Variants in NPAS4 observed in about 807,000 individuals in gnomAD.
The protein encoded by NPAS4 is neuronal PAS domain-containing protein 4.
Under a neutral mutation model 64.0 loss-of-function variants are expected in NPAS4, and 10 were observed. The ratio of observed to expected loss-of-function variants is 0.16; its 90% CI spans 0.10 to 0.26. NPAS4 has a LOEUF of 0.26. NPAS4 is among the 10% of genes least tolerant of loss of function. The pLI, the probability that NPAS4 is intolerant of heterozygous loss-of-function variation, is 1.00. For synonymous variants in NPAS4, 441 were observed against 411.7 expected (o/e 1.07, Z -0.86); for missense variants, 886 against 992.6 (o/e 0.89, Z 1.44).
intron 4 of NPAS4, 41 bp downstream of exon 4, chr11:66,422,982 A>T: frequency 6.3e-7 from 1 of 1,592,226 alleles, no homozygotes; most frequent in East Asian, 2.2e-5. Flanking sequence ...AAGGCAGGCC[A>T]GAGATGAAGG....
At chr11:66,419,541 A>T (rs1856706719), upstream of NPAS4, among the ~76,000 whole-genome samples, 1 of 152,092 alleles carries the variant, frequency 6.6e-6, no homozygotes, top group Admixed American at 6.5e-5. Flanking sequence ...AAGTGATTCC[A>T]TGCGCACACA....
rs984548508 is a variant in NPAS4, at chr11:66,426,125, A to G, written c.*136A>G. ...TATATGATTCCCCAGGCCCTGCAGG[A>G]TTTTGGGGGGGGGGAGGTGGGAGGG... On this transcript the variant is annotated 3_prime_UTR_variant, in exon 8 of 8. Transcript: ENST00000311034. 1.2e-5 allele frequency: 4 copies of G among 328,146 alleles called. No homozygotes were observed. The highest frequency in any genetic ancestry group is 5.0e-5 in the African/African-American group (2 of 40,154). The allele number at this position is 328,146 out of a possible 1,614,324, so 20.3% of individuals were successfully genotyped here.
In NPAS4 at chr11:66,424,919, G is replaced by A. The variant is rs1171089649; in HGVS notation, c.2029G>A (p.Ala677Thr). Residue 677 changes from alanine to threonine, a missense_variant, in exon 7 of 8, where the codon GCA becomes ACA. Physicochemically the swap from Ala to Thr is moderately conservative, Grantham distance 58. Coordinates refer to ENST00000311034, the MANE Select transcript of NPAS4 (RefSeq NM_178864.4). ...GGACTCCAACCTGTCCCTGTCAGGG[G>A]CAGGCCCCCCTGTGCTCAGCCTGGA... ...PLDSNLSLSG[A>T]GPPVLSLDLK... The A allele has an allele frequency of 6.2e-7, 1 of 1,613,874 alleles. No homozygotes were observed. Among genetic ancestry groups the A allele is most frequent in the Non-Finnish European group, 8.5e-7 (1 of 1,179,894 alleles).
chr11:66,409,830 T>C, the NPAS4 span: 1 of 152,394 alleles, frequency 6.6e-6, no homozygotes, highest in Non-Finnish European at 1.5e-5. Context: ...GACACCTCTG[T>C]CATGGCACCA....
Position 66,424,306 on chromosome 11 carries a change from C to A in NPAS4, c.1416C>A (p.Pro472=), listed in dbSNP as rs753641063. The A allele has an allele frequency of 3.7e-6, 6 of 1,614,182 alleles. No homozygotes were observed. The highest frequency in any genetic ancestry group is 5.1e-6 in the Non-Finnish European group (6 of 1,180,024). The change falls in exon 7 of 8, where the codon CCC becomes CCA. Residue 472 remains proline (P), a synonymous_variant. Transcript: ENST00000311034. ...CGACCTTCTCTGATCAGTTGACGCC[C>A]AGCAGTGCAACCTTCCCAGATCCAC... is the stretch of plus-strand genomic sequence containing the variant. ...STATFSDQLT[P]SSATFPDPLT...
intron 7 of NPAS4, 73 bp from the exon 8 acceptor site, chr11:66,425,888 A>T: frequency 8.8e-7 from 1 of 1,135,560 alleles, no homozygotes; most frequent in Non-Finnish European, 1.3e-6. Context: ...TAATACCAAC[A>T]CATTCTCAGC....
At chr11:66,414,420 C>A in the NPAS4 span, among the ~76,000 whole-genome samples, 1 of 152,152 alleles carries the variant, frequency 6.6e-6, no homozygotes, top group Non-Finnish European at 1.5e-5. Context: ...GGACATTGCC[C>A]ACAAAAGTTT....
At chr11:66,417,072 G>A (rs1856679916), upstream of NPAS4, 1 of 151,998 alleles carries the variant, frequency 6.6e-6, no homozygotes, top group African/African-American at 2.4e-5. Flanking sequence ...GCCTGTTTTT[G>A]CTACAAAAAC....
chr11:66,411,427 C>T, the NPAS4 span, among the ~76,000 whole-genome samples: 3 of 152,206 alleles, frequency 2.0e-5, no homozygotes, highest in Non-Finnish European at 4.4e-5. Flanking sequence ...GAATCTGCAT[C>T]TTCTGCTGCT....
At chr11:66,413,747 G>A in the NPAS4 span, among the ~76,000 whole-genome samples, 1 of 152,150 alleles carries the variant, frequency 6.6e-6, no homozygotes, top group African/African-American at 2.4e-5. Flanking sequence ...CAACTCAAAT[G>A]CACCTGCTTG....
At chr11:66,421,442 T>A in intron 1 of NPAS4, 88 bp downstream of exon 1, 1 of 1,215,974 alleles carries the variant, frequency 8.2e-7, no homozygotes, top group African/African-American at 1.5e-5. Context: ...GTCGCATGTC[T>A]AGGGCAGCGT....
At chr11:66,413,373 G>C in the NPAS4 span, among the ~76,000 whole-genome samples, 2 of 152,262 alleles carry the variant, frequency 1.3e-5, no homozygotes, top group African/African-American at 4.8e-5. Context: ...AGCTGGAAGA[G>C]AGGCAAGGGG....
chr11:66,424,078 A>G lies in NPAS4; in HGVS notation c.1188A>G (p.Glu396=), dbSNP rs201701638. 7.4e-6 allele frequency: 12 copies of G among 1,613,994 alleles called. No homozygotes were observed. The highest frequency in any genetic ancestry group is 9.3e-6 in the Non-Finnish European group (11 of 1,179,986). Residue 396 remains glutamate, a synonymous_variant, in exon 7 of 8, where the codon GAA becomes GAG. Transcript: ENST00000311034. Reference sequence around the variant, plus strand: ...AAGAGCTTCCCCGACCCTCCAAAGAACTGGACTTCAGTTACCTGACATTCC... The same window carrying G: ...AAGAGCTTCCCCGACCCTCCAAAGAGCTGGACTTCAGTTACCTGACATTCC... ...ASEELPRPSK[E]LDFSYLTFPS... is the part of the protein sequence containing the mutation.
chr11:66,415,692 T>A, the NPAS4 span, among the ~76,000 whole-genome samples: 3 of 152,214 alleles, frequency 2.0e-5, no homozygotes, highest in Non-Finnish European at 4.4e-5. Context: ...CCCTATCACG[T>A]GGTGCAAAAG....
Position 66,424,546 on chromosome 11 carries a change from A to C in NPAS4, c.1656A>C (p.Gln552His). The change falls in exon 7 of 8, where the codon CAA becomes CAC. Residue 552 changes from glutamine (Q) to histidine (H), a missense_variant. Around this residue, in one of 3 missense-constraint regions of NPAS4, gnomAD observed 820 missense variants for 855.5 expected, o/e 0.96. Coordinates refer to ENST00000311034, the MANE Select transcript of NPAS4 (RefSeq NM_178864.4). ...LDSPSQTFPE[Q>H]LSPNPTKTYF... is the part of the protein sequence containing the mutation. ...GCCCCAGCCAAACCTTCCCAGAGCA[A>C]CTGAGCCCCAACCCTACCAAGACTT... 1 of 1,614,128 alleles carries C rather than the reference A, an allele frequency of 6.2e-7. No individual in the cohort carries two copies.
In NPAS4 at chr11:66,421,323, C is replaced by G. The variant is rs1198633348; in HGVS notation, c.144C>G (p.Ile48Met). 2.5e-6 allele frequency: 4 copies of G among 1,614,176 alleles called. No individual in the cohort carries two copies. Among genetic ancestry groups the G allele is most frequent in the African/African-American group, 1.3e-5 (1 of 75,078 alleles). The change falls in exon 1 of 8, where the codon ATC (isoleucine) becomes ATG (methionine). Residue 48 changes from isoleucine to methionine, a missense_variant. Ile to Met is a conservative substitution (Grantham distance 10). This residue lies in a region of NPAS4 where 38 missense variants were observed against 80.1 expected (regional missense o/e 0.47). Transcript: ENST00000311034. ...TGCACATCATGAGCCTCGCCTGCAT[C>G]TACACTCGCAAGGGCGTCTTCTTCG... ...SYLHIMSLACIYTRKGVFFAG... is the reference protein window; with the variant it reads ...SYLHIMSLACMYTRKGVFFAG...
At chr11:66,422,354 C>G in intron 2 of NPAS4, 83 bp downstream of exon 2, 1 of 1,508,770 alleles carries the variant, frequency 6.6e-7, no homozygotes, top group East Asian at 2.3e-5. Flanking sequence ...CTGGGAATTA[C>G]TATGGAGGGA....
the NPAS4 span, chr11:66,409,597 T>C: frequency 6.6e-6 from 1 of 152,194 alleles, no homozygotes; most frequent in African/African-American, 2.4e-5. Flanking sequence ...GAAAGCCCCT[T>C]ACCAGTTGCT....
upstream of NPAS4, among the ~76,000 whole-genome samples, chr11:66,420,428 C>G (rs914715526): frequency 6.6e-6 from 1 of 152,168 alleles, no homozygotes; most frequent in African/African-American, 2.4e-5. Context: ...GAAGCGGGGG[C>G]GGGAATTTGT....
Sources: allele counts gnomAD v4.1 joint callset (sites outside exome capture counted in the v4.1 genomes callset), GRCh38; gene constraint gnomAD v4.1.1; regional missense constraint gnomAD v4.1.1; transcripts MANE v1.5; gene names NCBI Gene and HGNC (gene_info 2026-07-23, HGNC 2026-07-21).